Variants in CCDC148 observed in about 807,000 individuals in gnomAD.
CCDC148 encodes the protein coiled-coil domain-containing protein 148.
A neutral mutation model predicts 85.7 loss-of-function variants in CCDC148; 89 were observed. The ratio of observed to expected loss-of-function variants is 1.04; its 90% CI spans 0.87 to 1.24. The LOEUF is 1.24. Ranked by LOEUF, CCDC148 falls within the 50% of genes most tolerant of loss-of-function variation. CCDC148 has a pLI of 0.00. For missense variants in CCDC148, 692 were observed against 671.7 expected, an observed-to-expected ratio of 1.03 and a Z score of -0.33; for synonymous variants, 230 against 213.9, an observed-to-expected ratio of 1.08 and a Z score of -0.66.
At chr2:158,442,302 A>G (rs1355468092) in intron 1 of CCDC148, among the ~76,000 whole-genome samples, 1 of 152,188 alleles carries the variant, frequency 6.6e-6, no homozygotes, top group Non-Finnish European at 1.5e-5. Context: ...CTTTGCTAAG[A>G]ACAGTTTTTC....
At chr2:158,386,464 T>C (rs1025946802) in intron 1 of CCDC148, among the ~76,000 whole-genome samples, 20 of 152,142 alleles carry the variant, frequency 1.3e-4, no homozygotes, top group Non-Finnish European at 1.9e-4. Context: ...ATTAACCATA[T>C]ACAATGTGGT....
At chr2:158,295,987 C>T (rs1299253897) in intron 9 of CCDC148, among the ~76,000 whole-genome samples, 2 of 152,210 alleles carry the variant, frequency 1.3e-5, no homozygotes, top group Non-Finnish European at 2.9e-5. Context: ...CTGCACACAA[C>T]TCTTCATTAG....
chr2:158,216,462 T>C (rs1022811233), intron 11 of CCDC148, among the ~76,000 whole-genome samples: 2 of 142,966 alleles, frequency 1.4e-5, no homozygotes, highest in Non-Finnish European at 3.0e-5. Flanking sequence ...AGTGGCATGA[T>C]CTCGGCTCAC....
chr2:158,241,379 T>A (rs563417574), intron 10 of CCDC148, among the ~76,000 whole-genome samples: 2 of 152,300 alleles, frequency 1.3e-5, no homozygotes, highest in South Asian at 4.1e-4. Flanking sequence ...CTAAAAGATA[T>A]CCTTCTGTAT....
chr2:158,235,729 G>T (rs6760610), intron 10 of CCDC148: 4 of 151,918 alleles, frequency 2.6e-5, no homozygotes, highest in East Asian at 1.9e-4. Context: ...ATTCCTAATA[G>T]GAAACAGATG....
At chr2:158,253,492 T>G (rs183708955) in intron 9 of CCDC148, among the ~76,000 whole-genome samples, 1 of 151,804 alleles carries the variant, frequency 6.6e-6, no homozygotes, top group East Asian at 1.9e-4. Context: ...TTTATCTCTC[T>G]TGTCTTATTT....
chr2:158,277,643 C>T (rs1327838767), intron 9 of CCDC148, among the ~76,000 whole-genome samples: 2 of 151,550 alleles, frequency 1.3e-5, no homozygotes, highest in African/African-American at 2.4e-5. Context: ...GTTGCCCAGG[C>T]TGGAGTGCAG....
At chr2:158,437,208 C>G (rs1226811415) in intron 1 of CCDC148, among the ~76,000 whole-genome samples, 1 of 152,186 alleles carries the variant, frequency 6.6e-6, no homozygotes, top group Non-Finnish European at 1.5e-5. Context: ...CCCTGATGAA[C>G]ATTGATGCAA....
intron 1 of CCDC148, among the ~76,000 whole-genome samples, chr2:158,406,154 A>G (rs1227116390): frequency 6.6e-6 from 1 of 152,118 alleles, no homozygotes; most frequent in Non-Finnish European, 1.5e-5. Flanking sequence ...TCACATTGAC[A>G]TGGATAGCTG....
chr2:158,332,356 G>C (rs916374703), intron 7 of CCDC148, among the ~76,000 whole-genome samples: 1 of 150,516 alleles, frequency 6.6e-6, no homozygotes, highest in East Asian at 2.0e-4. Context: ...CTGGCTTGGA[G>C]AGTTTCTGCC....
rs759519537 is a variant in CCDC148, at chr2:158,359,222, G to T, written c.26-652C>A. On this transcript the variant is annotated intron_variant, in intron 1 of 13. Transcript: ENST00000283233. ...AGTAGCATAAAGTACAATAACTTGA[G>T]TAAATCGAACAAAACATGTACTTCC... 7.2e-5 allele frequency among the ~76,000 whole-genome samples: 11 copies of T among 152,124 alleles called. 1 individual carries two copies. The highest frequency in any genetic ancestry group is 1.2e-4 in the Non-Finnish European group (8 of 68,006).
At chr2:158,228,400 C>T (rs1448654227) in intron 10 of CCDC148, among the ~76,000 whole-genome samples, 1 of 152,096 alleles carries the variant, frequency 6.6e-6, no homozygotes, top group Non-Finnish European at 1.5e-5. Flanking sequence ...GTCAGTGTGG[C>T]GATTCCTCAG....
intron 10 of CCDC148, among the ~76,000 whole-genome samples, chr2:158,222,185 T>C (rs1486734742): frequency 6.6e-6 from 1 of 152,224 alleles, no homozygotes; most frequent in African/African-American, 2.4e-5. Context: ...TCTGGGTTAA[T>C]GCAGACCAAT....
intron 11 of CCDC148, among the ~76,000 whole-genome samples, chr2:158,186,358 G>A (rs1269434995): frequency 2.0e-5 from 3 of 151,966 alleles, no homozygotes; most frequent in East Asian, 3.9e-4. Flanking sequence ...GAGGATTCCC[G>A]TTATATGCCT....
chr2:158,405,191 G>C (rs183007742), intron 1 of CCDC148, among the ~76,000 whole-genome samples: 3 of 152,230 alleles, frequency 2.0e-5, no homozygotes, highest in African/African-American at 7.2e-5. Flanking sequence ...GGAAGGAGTA[G>C]TCACAAGACT....
intron 11 of CCDC148, among the ~76,000 whole-genome samples, chr2:158,218,460 CTTTT>C (rs1488556168): frequency 6.6e-6 from 1 of 151,992 alleles, no homozygotes; most frequent in Non-Finnish European, 1.5e-5. Flanking sequence ...TCCTTTTCTT[CTTTT>C]CAAACTGAAG....
intron 10 of CCDC148, among the ~76,000 whole-genome samples, chr2:158,242,364 T>C (rs1221685428): frequency 6.6e-6 from 1 of 152,188 alleles, no homozygotes; most frequent in Non-Finnish European, 1.5e-5. Context: ...CATCATTTAC[T>C]GAGGCCTTTC....
intron 13 of CCDC148, among the ~76,000 whole-genome samples, chr2:158,173,415 G>C (rs1366368136): frequency 6.6e-6 from 1 of 151,960 alleles, no homozygotes; most frequent in Non-Finnish European, 1.5e-5. Flanking sequence ...TCTAGTTTTT[G>C]CATAAAAATA....
chr2:158,280,840 C>T (rs1330281763), intron 9 of CCDC148, among the ~76,000 whole-genome samples: 1 of 152,196 alleles, frequency 6.6e-6, no homozygotes, highest in Non-Finnish European at 1.5e-5. Flanking sequence ...TTCAGCACCA[C>T]ACCACACCTA....
Sources: gnomAD v4.1 joint callset for allele counts (sites outside exome capture counted in the v4.1 genomes callset) on GRCh38, gnomAD v4.1.1 for gene constraint, MANE v1.5 for transcripts, NCBI Gene and HGNC (gene_info 2026-07-23, HGNC 2026-07-21) for gene names.